RANBP17: variants seen among roughly 807,000 people sequenced by gnomAD.
RANBP17 encodes the protein ran-binding protein 17.
In RANBP17, 158 loss-of-function variants were observed where a neutral mutation model predicts 141.2. The observed-to-expected ratio is 1.12, with a 90% CI of 0.98 to 1.28. The LOEUF (loss-of-function observed/expected upper bound fraction) is 1.28, where lower values mean the gene tolerates loss of function less well. Among genes scored for constraint, RANBP17 ranks in the 50% most tolerant of loss-of-function variants. The pLI, the probability that RANBP17 is intolerant of heterozygous loss-of-function variation, is 0.00. For missense variants in RANBP17, 1,438 were observed against 1,290.7 expected, an observed-to-expected ratio of 1.11 and a Z score of -1.75; for synonymous variants, 430 against 450.0, an observed-to-expected ratio of 0.96 and a Z score of 0.56.
At chr5:171,086,846 T>G (rs1423007664) in intron 14 of RANBP17, among the ~76,000 whole-genome samples, 1 of 147,796 alleles carries the variant, frequency 6.8e-6, no homozygotes, top group African/African-American at 2.5e-5. Context: ...TATTTGATTC[T>G]TCTCTCTTTT....
chr5:171,102,223 G>C (rs191569956), intron 14 of RANBP17, among the ~76,000 whole-genome samples: 85 of 152,062 alleles, frequency 5.6e-4, no homozygotes, highest in Non-Finnish European at 1.1e-3. Context: ...TCACTTTCCA[G>C]TACCCCAAGC....
rs528792442 is a variant in RANBP17, at chr5:171,021,215, A to G, written c.1710+52838A>G. On this transcript the variant is annotated intron_variant, in intron 14 of 27. Transcript: ENST00000523189. Reference sequence around the variant, plus strand: ...GGCTGCCCTTAACATTTTTTTCTGCATTTCAACCTTGGAGGATGTGACAAT... The same window carrying G: ...GGCTGCCCTTAACATTTTTTTCTGCGTTTCAACCTTGGAGGATGTGACAAT... Among the ~76,000 whole-genome samples the G allele has an allele frequency of 4.6e-5, 7 of 152,058 alleles. 1 individual carries two copies. The highest frequency in any genetic ancestry group is 2.0e-4 in the Admixed American group (3 of 15,268).
intron 22 of RANBP17, among the ~76,000 whole-genome samples, chr5:171,238,359 A>G (rs1764669321): frequency 7.0e-6 from 1 of 143,540 alleles, no homozygotes; most frequent in Non-Finnish European, 1.5e-5. Context: ...TGCAATATTA[A>G]CATAGAGATA....
chr5:171,093,265 A>G (rs1786444897), intron 14 of RANBP17, among the ~76,000 whole-genome samples: 1 of 152,050 alleles, frequency 6.6e-6, no homozygotes, highest in Non-Finnish European at 1.5e-5. Flanking sequence ...GGTTTTATAT[A>G]TGATCTTGTT....
intron 21 of RANBP17, among the ~76,000 whole-genome samples, chr5:171,217,127 T>A (rs942932382): frequency 2.0e-5 from 3 of 152,158 alleles, no homozygotes; most frequent in African/African-American, 7.2e-5. Context: ...TGGAGGGATG[T>A]TGAATTTTAT....
intron 14 of RANBP17, among the ~76,000 whole-genome samples, chr5:171,138,114 T>G (rs892717621): frequency 2.6e-5 from 4 of 152,124 alleles, no homozygotes; most frequent in Non-Finnish European, 5.9e-5. Flanking sequence ...GAGAACTTTT[T>G]AGACCCAAAT....
chr5:170,965,309 G>A (rs1369361080), intron 13 of RANBP17, among the ~76,000 whole-genome samples: 1 of 151,170 alleles, frequency 6.6e-6, no homozygotes, highest in Admixed American at 6.6e-5. Flanking sequence ...CCCTTTGTCA[G>A]ATGAGTAGGT....
At chr5:170,902,292 T>C (rs1770709792) in intron 5 of RANBP17, among the ~76,000 whole-genome samples, 1 of 152,204 alleles carries the variant, frequency 6.6e-6, no homozygotes, top group African/African-American at 2.4e-5. Context: ...TCTGATATCC[T>C]TTCTTCCTCT....
At chr5:171,101,395 T>C (rs1787152102) in intron 14 of RANBP17, among the ~76,000 whole-genome samples, 1 of 152,198 alleles carries the variant, frequency 6.6e-6, no homozygotes, top group Admixed American at 6.5e-5. Flanking sequence ...TTAAAGTCTG[T>C]TTTATCAAGG....
Position 170,886,651 on chromosome 5 carries a change from CTTTTTTTTTTTTTT to C in RANBP17, c.256+4765_256+4778del, listed in dbSNP as rs3080616. ...ACACTACACCATTCATTTGAGGTGC[CTTTTTTTTTTTTTT>C]TTTTTTTTTGAGACATAGAGTCTCA... On this transcript the variant is annotated intron_variant, in intron 3 of 27. Coordinates refer to ENST00000523189, the MANE Select transcript of RANBP17 (RefSeq NM_022897.5). 3.5e-4 allele frequency among the ~76,000 whole-genome samples: 31 copies of C among 87,892 alleles called. 2 individuals carry two copies. The East Asian group carries it at 9.9e-3, about 28-fold the overall frequency. 57.7% of individuals were successfully genotyped at this position (87,892 alleles called of 152,430 possible). A position where few individuals can be genotyped will look rare whatever the true frequency, so the allele number is the denominator to read the frequency against.
chr5:170,888,069 G>A (rs1156533417), intron 3 of RANBP17, among the ~76,000 whole-genome samples: 1 of 152,194 alleles, frequency 6.6e-6, no homozygotes, highest in African/African-American at 2.4e-5. Flanking sequence ...ATACCAAACT[G>A]TCTTGATTAC....
intron 14 of RANBP17, among the ~76,000 whole-genome samples, chr5:171,076,328 GATAT>G (rs1784918618): frequency 6.6e-6 from 1 of 152,144 alleles, no homozygotes; most frequent in South Asian, 2.1e-4. Flanking sequence ...AACAATGAAA[GATAT>G]CTGAGTTTCA....
chr5:170,864,763 A>T (rs1051204093), intron 1 of RANBP17, among the ~76,000 whole-genome samples: 6 of 151,780 alleles, frequency 4.0e-5, no homozygotes, highest in African/African-American at 1.5e-4. Context: ...CATGCTTCTT[A>T]ATCTCCAGTC....
chr5:171,097,118 AG>A (rs1258971513), intron 14 of RANBP17, among the ~76,000 whole-genome samples: 6 of 152,280 alleles, frequency 3.9e-5, no homozygotes, highest in African/African-American at 1.4e-4. Context: ...AAATTGTTCC[AG>A]GCTATGAGTA....
intron 14 of RANBP17, among the ~76,000 whole-genome samples, chr5:171,044,997 A>G (rs1238970596): frequency 6.6e-6 from 1 of 152,062 alleles, no homozygotes; most frequent in African/African-American, 2.4e-5. Flanking sequence ...ATGCTTGTAA[A>G]GTGAATTAGC....
chr5:170,924,000 T>G (rs1271189815), intron 11 of RANBP17, among the ~76,000 whole-genome samples: 1 of 151,802 alleles, frequency 6.6e-6, no homozygotes, highest in Non-Finnish European at 1.5e-5. Flanking sequence ...TCTTTTCTTT[T>G]TTCTTTTTTT....
intron 12 of RANBP17, among the ~76,000 whole-genome samples, chr5:170,947,347 A>C (rs1774849411): frequency 6.6e-6 from 1 of 152,158 alleles, no homozygotes; most frequent in Admixed American, 6.5e-5. Context: ...TGGAGATACA[A>C]TAGAGAACAA....
chr5:171,277,771 C>T (rs1767612376), intron 25 of RANBP17, among the ~76,000 whole-genome samples: 1 of 148,278 alleles, frequency 6.7e-6, no homozygotes, highest in Admixed American at 6.7e-5. Context: ...CAGTATCATA[C>T]AGCTAATAAG....
intron 22 of RANBP17, among the ~76,000 whole-genome samples, chr5:171,230,569 T>C (rs1326635235): frequency 2.6e-5 from 4 of 152,124 alleles, no homozygotes; most frequent in Non-Finnish European, 4.4e-5. Flanking sequence ...GAGACCAGCC[T>C]GGCCAACATG....
Sources: allele counts gnomAD v4.1 joint callset (sites outside exome capture counted in the v4.1 genomes callset), GRCh38; gene constraint gnomAD v4.1.1; transcripts MANE v1.5; gene names NCBI Gene and HGNC (gene_info 2026-07-23, HGNC 2026-07-21).